COBLL1: variants seen among roughly 807,000 people sequenced by gnomAD.
COBLL1 encodes the protein cordon-bleu protein-like 1.
A neutral mutation model predicts 94.8 loss-of-function variants in COBLL1; 50 were observed. The ratio of observed to expected loss-of-function variants is 0.53; its 90% confidence interval spans 0.42 to 0.67. The LOEUF (loss-of-function observed/expected upper bound fraction) is 0.67. COBLL1 is among the 30% of genes least tolerant of loss of function. The pLI, the probability that COBLL1 is intolerant of heterozygous loss-of-function variation, is 0.00. For synonymous variants in COBLL1, 448 were observed against 473.8 expected (o/e 0.95, Z 0.71); for missense variants, 1,362 against 1,348.7 (o/e 1.01, Z -0.15).
chr2:164,829,161 C>A (rs1248529311), intron 2 of COBLL1, among the ~76,000 whole-genome samples: 1 of 152,102 alleles, frequency 6.6e-6, no homozygotes, highest in African/African-American at 2.4e-5. Context: ...AAATATTTTC[C>A]CCCACAATCA....
chr2:164,726,834 T>C (rs941819904), intron 5 of COBLL1, among the ~76,000 whole-genome samples: 1 of 152,124 alleles, frequency 6.6e-6, no homozygotes, highest in African/African-American at 2.4e-5. Flanking sequence ...GTAAATCATT[T>C]TTCCTTGTAT....
chr2:164,758,902 T>C (rs955336084), intron 2 of COBLL1, among the ~76,000 whole-genome samples: 1 of 151,740 alleles, frequency 6.6e-6, no homozygotes, highest in African/African-American at 2.4e-5. Flanking sequence ...GCAATAAATA[T>C]AGAAAAAAAA....
upstream of COBLL1, chr2:164,841,892 C>G (rs1683643983): frequency 1.5e-6 from 2 of 1,299,430 alleles, no homozygotes; most frequent in South Asian, 1.3e-5. The surrounding 1 kb of genome is among the most constrained non-coding windows in gnomAD (Gnocchi z 5.5). Context: ...TCCCCTGTCC[C>G]GCGGGCGGGG....
intron 1 of COBLL1, among the ~76,000 whole-genome samples, chr2:164,674,049 C>A (rs945482729): frequency 5.3e-5 from 8 of 151,964 alleles, no homozygotes; most frequent in Non-Finnish European, 1.2e-4. Context: ...AATTTACTAT[C>A]TTTTTGTTTT....
At chr2:164,742,725 G>C (rs1485669330) in intron 3 of COBLL1, among the ~76,000 whole-genome samples, 1 of 152,196 alleles carries the variant, frequency 6.6e-6, no homozygotes, top group East Asian at 1.9e-4. Flanking sequence ...AATCTGTAAA[G>C]TTACACATGA....
rs1338722574 is a variant in COBLL1, at chr2:164,684,515, A to C, written c.*1431T>G. ...GGGTCTCTCCAACTGATTCAAGGAA[A>C]ACAGCAGCAACATTTAGCATTTAAG... On this transcript the variant is annotated 3_prime_UTR_variant, in exon 14 of 14. Transcript: ENST00000652658. 1 of 152,186 alleles carries C rather than the reference A, an allele frequency of 6.6e-6. No individual in the cohort carries two copies. The highest frequency in any genetic ancestry group is 2.4e-5 in the African/African-American group (1 of 41,468). 9.4% of individuals were successfully genotyped at this position (152,186 alleles called of 1,614,324 possible). A position where few individuals can be genotyped will look rare whatever the true frequency, so the allele number is the denominator to read the frequency against.
intron 13 of COBLL1, chr2:164,687,267 A>G: frequency 1.9e-6 from 1 of 532,972 alleles, no homozygotes; most frequent in Non-Finnish European, 3.3e-6. Context: ...TTAAGAGGGG[A>G]AGCACAGTGA....
chr2:164,714,595 T>G (rs1168515852), intron 7 of COBLL1, among the ~76,000 whole-genome samples: 1 of 152,044 alleles, frequency 6.6e-6, no homozygotes, highest in East Asian at 1.9e-4. Context: ...TGGGGCCAAC[T>G]CAGTTCATCC....
In COBLL1 at chr2:164,685,777, T is replaced by G; in HGVS notation, c.*169A>C. The G allele has an allele frequency of 2.5e-6, 1 of 403,108 alleles. No homozygotes were observed. The highest frequency in any genetic ancestry group is 4.4e-6 in the Non-Finnish European group (1 of 225,756). The allele number at this position is 403,108 out of a possible 1,614,324, so 25.0% of individuals were successfully genotyped here. The stretch of plus-strand genomic sequence containing the variant: ...AAAAGATCAAAAAATTACTATAAAT[T>G]ATAAATTCTGGTAACTTTTCTTCTG... On this transcript the variant is annotated 3_prime_UTR_variant, in exon 14 of 14. Coordinates refer to ENST00000652658, the MANE Select transcript of COBLL1 (RefSeq NM_001365672.2).
intron 2 of COBLL1, among the ~76,000 whole-genome samples, chr2:164,769,282 G>C (rs553640781): frequency 3.3e-5 from 5 of 152,186 alleles, no homozygotes; most frequent in Admixed American, 2.6e-4. Context: ...CCTGCACAAA[G>C]AATAAATTAT....
At chr2:164,802,561 T>C (rs919704723) in intron 2 of COBLL1, among the ~76,000 whole-genome samples, 1 of 152,148 alleles carries the variant, frequency 6.6e-6, no homozygotes, top group African/African-American at 2.4e-5. Context: ...ACAGCTTCCA[T>C]TGCCTCACTC....
At chr2:164,792,270 A>G (rs1467201256) in intron 2 of COBLL1, among the ~76,000 whole-genome samples, 1 of 152,072 alleles carries the variant, frequency 6.6e-6, no homozygotes, top group East Asian at 1.9e-4. Flanking sequence ...CTGGAACTAC[A>G]GGTGTGCACC....
At chr2:164,784,811 A>G (rs1688873897) in intron 2 of COBLL1, among the ~76,000 whole-genome samples, 2 of 152,156 alleles carry the variant, frequency 1.3e-5, no homozygotes, top group South Asian at 4.1e-4. Context: ...CTGGTACTAG[A>G]GCCAATACAT....
intron 5 of COBLL1, chr2:164,727,124 T>A: frequency 1.3e-6 from 2 of 1,504,272 alleles, no homozygotes; most frequent in Non-Finnish European, 1.8e-6. Flanking sequence ...GATGACTTAC[T>A]GAAGACAGTA....
chr2:164,710,089 T>C (rs908604044), intron 7 of COBLL1, among the ~76,000 whole-genome samples: 4 of 152,186 alleles, frequency 2.6e-5, no homozygotes, highest in African/African-American at 9.7e-5. Flanking sequence ...TGAAGACTCT[T>C]GGAAAATAAT....
intron 2 of COBLL1, among the ~76,000 whole-genome samples, chr2:164,749,756 C>T (rs767364914): frequency 3.2e-4 from 49 of 152,090 alleles, no homozygotes; most frequent in African/African-American, 1.2e-3. Flanking sequence ...TAATGAAAAT[C>T]GACAAGGAGA....
chr2:164,747,045 T>C (rs1026444483), intron 2 of COBLL1, among the ~76,000 whole-genome samples: 2 of 152,048 alleles, frequency 1.3e-5, no homozygotes. Context: ...TGCCATGTAG[T>C]AGGCACTGAT....
rs963673980 is a variant in COBLL1 at position 164,684,139 on chromosome 2, T to C, written c.*1807A>G. 1 of 152,168 alleles carries C rather than the reference T, an allele frequency of 6.6e-6. No individual in the cohort carries two copies. The highest frequency in any genetic ancestry group is 2.4e-5 in the African/African-American group (1 of 41,456). The allele number at this position is 152,168 out of a possible 1,614,324, so 9.4% of individuals were successfully genotyped here. A position where few individuals can be genotyped will look rare whatever the true frequency, so the allele number is the denominator to read the frequency against. Reference sequence around the variant, plus strand: ...GGTACCTTTCCATGTTTTTAACTTGTATTTCCCTGATTATCAGTGAAGAGT... The same window carrying C: ...GGTACCTTTCCATGTTTTTAACTTGCATTTCCCTGATTATCAGTGAAGAGT... On this transcript the variant is annotated 3_prime_UTR_variant, in exon 14 of 14. Coordinates refer to ENST00000652658, the MANE Select transcript of COBLL1 (RefSeq NM_001365672.2).
intron 11 of COBLL1, among the ~76,000 whole-genome samples, chr2:164,699,185 G>A (rs1442128075): frequency 3.3e-5 from 5 of 151,904 alleles, no homozygotes; most frequent in East Asian, 1.9e-4. Context: ...ACCACTTACC[G>A]TAGTAGTTGT....
Sources: allele counts gnomAD v4.1 joint callset (sites outside exome capture counted in the v4.1 genomes callset), GRCh38; gene constraint gnomAD v4.1.1; non-coding constraint Gnocchi (gnomAD v3.1); transcripts MANE v1.5; gene names NCBI Gene and HGNC (gene_info 2026-07-23, HGNC 2026-07-21).